ZFYVE27: variants seen among roughly 807,000 people sequenced by gnomAD.
ZFYVE27 encodes the protein protrudin.
In ZFYVE27, 36 loss-of-function variants were observed where a neutral mutation model predicts 52.8. That is an observed-to-expected ratio of 0.68 (90% CI 0.52 to 0.90). The LOEUF (loss-of-function observed/expected upper bound fraction) is 0.90. ZFYVE27 is among the 40% of genes least tolerant of loss of function. The pLI, the probability that ZFYVE27 is intolerant of heterozygous loss-of-function variation, is 0.00. For synonymous variants in ZFYVE27, 223 were observed against 215.6 expected (o/e 1.03, Z -0.30); for missense variants, 450 against 527.2 (o/e 0.85, Z 1.43).
At chr10:97,752,921 G>A (rs779660723) in intron 9 of ZFYVE27, 44 bp downstream of exon 9, 2 of 1,613,398 alleles carry the variant, frequency 1.2e-6, no homozygotes, top group Admixed American at 3.3e-5. Flanking sequence ...GGGCTGGGGA[G>A]GGTGGCTGAA....
chr10:97,752,699 G>T (rs115674034), intron 8 of ZFYVE27, among the ~76,000 whole-genome samples, 158 bp from the exon 9 acceptor site: 3,816 of 152,192 alleles, frequency 0.025, 60 homozygotes, highest in South Asian at 0.048. Flanking sequence ...ATCCTCTTGT[G>T]GGGGGCGTCT....
chr10:97,745,718 T>G (rs145763537), intron 4 of ZFYVE27, among the ~76,000 whole-genome samples: 1 of 152,334 alleles, frequency 6.6e-6, no homozygotes, highest in South Asian at 2.1e-4. Context: ...TGAGTAGATA[T>G]TAGTTATCAT....
At chr10:97,748,137 C>T (rs1269504275) in intron 4 of ZFYVE27, 132 bp from the exon 5 acceptor site, 3 of 862,150 alleles carry the variant, frequency 3.5e-6, no homozygotes. Context: ...CTCTCGACTC[C>T]TCTCTCTTTA....
chr10:97,742,739 A>G (rs572003908), intron 2 of ZFYVE27, among the ~76,000 whole-genome samples: 145 of 152,376 alleles, frequency 9.5e-4, no homozygotes, highest in African/African-American at 3.3e-3. Flanking sequence ...AAAAAAGAAT[A>G]GAGGAAAATA....
rs114144460 is a variant in ZFYVE27 at position 97,739,433 on chromosome 10, C to T, written c.197+759C>T. 8.6e-3 allele frequency among the ~76,000 whole-genome samples: 1,304 copies of T among 152,196 alleles called. 16 individuals carry two copies. Among genetic ancestry groups the T allele is most frequent in the African/African-American group, 0.03 (1,240 of 41,530 alleles). On this transcript the variant is annotated intron_variant, in intron 2 of 12. Coordinates refer to ENST00000684270, the MANE Select transcript of ZFYVE27 (RefSeq NM_001385875.1). ...TTCCCTCCTATCCTGCTTTGATTTTCATTCTCTATAATTTTCATTTTTTCT... is the reference window on the plus strand; with the variant it reads ...TTCCCTCCTATCCTGCTTTGATTTTTATTCTCTATAATTTTCATTTTTTCT...
rs1267399014 is a variant in ZFYVE27, at chr10:97,748,768, T to A, written c.551+404T>A. Among the ~76,000 whole-genome samples, 5 of 152,328 alleles carry A rather than the reference T, an allele frequency of 3.3e-5. No individual in the cohort carries two copies. The East Asian group carries it at 7.7e-4, about 23-fold the overall frequency. ...TGTTGCTATATAGCTTTTGGAATTA[T>A]TTATAATACCAGATTAATATAGATG... On this transcript the variant is annotated intron_variant, in intron 5 of 12. Transcript: ENST00000684270.
intron 12 of ZFYVE27, chr10:97,757,939 CAAGATG>C: frequency 1.8e-6 from 1 of 562,666 alleles, no homozygotes; most frequent in Non-Finnish European, 3.2e-6. Flanking sequence ...AGGGTAATAA[CAAGATG>C]AATACCTGTG....
chr10:97,746,046 TA>T (rs1373576389), intron 4 of ZFYVE27, among the ~76,000 whole-genome samples: 2,764 of 70,076 alleles, frequency 0.039, 68 homozygotes, highest in African/African-American at 0.16. Flanking sequence ...TATATATATA[TA>T]TATATTTTTT....
intron 12 of ZFYVE27, 185 bp downstream of exon 12, chr10:97,757,908 T>C (rs1374137799): frequency 1.2e-5 from 7 of 596,462 alleles, no homozygotes; most frequent in Non-Finnish European, 2.1e-5. Flanking sequence ...AGAATAGATA[T>C]GATGTACCTG....
At chr10:97,751,624 C>A (rs1590071358) in intron 8 of ZFYVE27, among the ~76,000 whole-genome samples, 162 bp downstream of exon 8, 1 of 152,312 alleles carries the variant, frequency 6.6e-6, no homozygotes, top group East Asian at 1.9e-4. Flanking sequence ...CCTCCCCACT[C>A]CTGTTTCTGG....
At chr10:97,746,036 T>C (rs983280314) in intron 4 of ZFYVE27, among the ~76,000 whole-genome samples, 3 of 55,340 alleles carry the variant, frequency 5.4e-5, no homozygotes, top group African/African-American at 2.6e-4. Flanking sequence ...CACATATATA[T>C]ATATATATAT....
intron 7 of ZFYVE27, among the ~76,000 whole-genome samples, chr10:97,750,829 C>G (rs1234862192): frequency 2.0e-5 from 3 of 151,724 alleles, no homozygotes; most frequent in Non-Finnish European, 2.9e-5. Flanking sequence ...CAACCTCCAT[C>G]TCCTGGGCTC....
At chr10:97,749,025 T>G (rs910880948) in intron 5 of ZFYVE27, among the ~76,000 whole-genome samples, 4 of 152,214 alleles carry the variant, frequency 2.6e-5, no homozygotes, top group African/African-American at 9.6e-5. Context: ...TGCCAGGCAC[T>G]GCTCAACACT....
In ZFYVE27 at chr10:97,744,922, A is replaced by G; in HGVS notation, c.455+7A>G. The stretch of plus-strand genomic sequence containing the variant: ...TGGCTGAGGTGAAGAGCTTGTGAGT[A>G]TGGAAGAGAGGCCAGGGAGGTGGGG... On this transcript the variant is annotated splice_region_variant and intron_variant, in intron 4 of 12. Coordinates refer to ENST00000684270, the MANE Select transcript of ZFYVE27 (RefSeq NM_001385875.1). 1.9e-6 allele frequency: 3 copies of G among 1,563,354 alleles called. No homozygotes were observed. Among genetic ancestry groups the G allele is most frequent in the Non-Finnish European group, 1.7e-6 (2 of 1,154,464 alleles).
intron 8 of ZFYVE27, among the ~76,000 whole-genome samples, chr10:97,752,532 T>A (rs866156805): frequency 6.6e-6 from 1 of 152,260 alleles, no homozygotes; most frequent in Non-Finnish European, 1.5e-5. Context: ...CTATAAAATA[T>A]GTAAAACTTA....
chr10:97,748,535 C>T (rs978019228), intron 5 of ZFYVE27, among the ~76,000 whole-genome samples, 171 bp downstream of exon 5: 1 of 152,298 alleles, frequency 6.6e-6, no homozygotes, highest in East Asian at 1.9e-4. Flanking sequence ...TAATGTACTG[C>T]TTTTGTTTAG....
At position 97,757,321 on chromosome 10, in the gene ZFYVE27, T is replaced by A. The variant is rs1257260395; in HGVS notation, c.1089+10T>A. ...AGTGCTGAAGAAGAGGGTGAGTGTC[T>A]GTGAGGGTGCATTTGTTGGGGACAG... On this transcript the variant is annotated intron_variant, in intron 11 of 12. Transcript: ENST00000684270. The A allele has an allele frequency of 6.2e-7, 1 of 1,613,942 alleles. No individual in the cohort carries two copies. The highest frequency in any genetic ancestry group is 1.7e-5 in the Admixed American group (1 of 59,994).
chr10:97,758,534 C>G (rs1399367942), intron 12 of ZFYVE27, among the ~76,000 whole-genome samples: 1 of 152,100 alleles, frequency 6.6e-6, no homozygotes, highest in Non-Finnish European at 1.5e-5. Context: ...GTTGGTCAGG[C>G]TGGTTTTGAA....
At chr10:97,742,698 T>C (rs1340605953) in intron 2 of ZFYVE27, among the ~76,000 whole-genome samples, 1 of 152,132 alleles carries the variant, frequency 6.6e-6, no homozygotes, top group Non-Finnish European at 1.5e-5. Flanking sequence ...TTGAATCTTG[T>C]GCAATGATTA....
Sources: allele counts gnomAD v4.1 joint callset (sites outside exome capture counted in the v4.1 genomes callset), GRCh38; gene constraint gnomAD v4.1.1; transcripts MANE v1.5; gene names NCBI Gene and HGNC (gene_info 2026-07-23, HGNC 2026-07-21).